Variants in LRRC55 observed in about 807,000 individuals in gnomAD.
LRRC55 encodes the protein leucine rich repeat containing 55, also known as leucine-rich repeat-containing protein 55.
Under a neutral mutation model 20.5 loss-of-function variants are expected in LRRC55, and 11 were observed. The ratio of observed to expected loss-of-function variants is 0.54; its 90% CI spans 0.34 to 0.89. The LOEUF (loss-of-function observed/expected upper bound fraction) is 0.89. Ranked by LOEUF, LRRC55 falls within the 40% of genes least tolerant of loss-of-function variation. The probability of loss-of-function intolerance (pLI) is 0.02; values close to 1 mark genes in which losing one functional copy is unlikely to be tolerated. For synonymous variants in LRRC55, 188 were observed against 166.6 expected, an observed-to-expected ratio of 1.13 and a Z score of -0.99; for missense variants, 358 against 390.9, an observed-to-expected ratio of 0.92 and a Z score of 0.71.
At chr11:57,184,964 C>A (rs985136611) in intron 1 of LRRC55, among the ~76,000 whole-genome samples, 10 of 152,140 alleles carry the variant, frequency 6.6e-5, no homozygotes, top group African/African-American at 2.4e-4. Context: ...CGAGTCAAGC[C>A]CAGAGAGGAT....
Position 57,188,066 on chromosome 11 carries a change from C to G in LRRC55, c.*586C>G, listed in dbSNP as rs1854458732. On this transcript the variant is annotated 3_prime_UTR_variant, in exon 2 of 2. Transcript: ENST00000497933. ...AGCTCTCAGCAATGCCAGCCACTGC[C>G]TACAGGGAGTAAGAACACCTCTATG... is the stretch of plus-strand genomic sequence containing the variant. 1 of 157,978 alleles carries G rather than the reference C, an allele frequency of 6.3e-6. No homozygotes were observed. Among genetic ancestry groups the G allele is most frequent in the African/African-American group, 2.4e-5 (1 of 41,476 alleles). The allele number at this position is 157,978 out of a possible 1,614,324, so 9.8% of individuals were successfully genotyped here. A position where few individuals can be genotyped will look rare whatever the true frequency, so the allele number is the denominator to read the frequency against.
rs1209425076 is a variant in LRRC55, at chr11:57,187,973, T to A, written c.*493T>A. ...AGAAGAGTGAACAGTTCCTGGTCAC[T>A]TACTTGTATAGAGGGGGTGTGGCAC... On this transcript the variant is annotated 3_prime_UTR_variant, in exon 2 of 2. Transcript: ENST00000497933. The A allele has an allele frequency of 5.5e-6, 1 of 183,458 alleles. No individual in the cohort carries two copies. Among genetic ancestry groups the A allele is most frequent in the Non-Finnish European group, 1.1e-5 (1 of 89,864 alleles). 11.4% of individuals were successfully genotyped at this position (183,458 alleles called of 1,614,324 possible).
chr11:57,188,667 C>G lies in LRRC55; in HGVS notation c.*1187C>G, dbSNP rs985548101. On this transcript the variant is annotated 3_prime_UTR_variant, in exon 2 of 2. Transcript: ENST00000497933. ...GGCTCAGAGAGGTTAAAGTCACATG[C>G]CACTATGAGCAAGATAAAGTCTGTG... 2.0e-5 allele frequency: 3 copies of G among 152,152 alleles called. No homozygotes were observed. Among genetic ancestry groups the G allele is most frequent in the African/African-American group, 7.2e-5 (3 of 41,430 alleles). 9.4% of individuals were successfully genotyped at this position (152,152 alleles called of 1,614,324 possible). A position where few individuals can be genotyped will look rare whatever the true frequency, so the allele number is the denominator to read the frequency against.
chr11:57,184,230 C>T (rs779884531), intron 1 of LRRC55, among the ~76,000 whole-genome samples: 2 of 151,652 alleles, frequency 1.3e-5, no homozygotes, highest in South Asian at 2.1e-4. Context: ...ACTTGGCAGG[C>T]GCGCCTTCCC....
In LRRC55 at chr11:57,182,199, G is replaced by T; in HGVS notation, c.177G>T (p.Val59=). Residue 59 remains valine (V), a synonymous_variant, in exon 1 of 2, where the codon GTG becomes GTT. Transcript: ENST00000497933. ...GTAGCAGCCAGCGGCTATTCTCCGT[G>T]CCCCCAGACCTGCCAATGGACACCC... ...VDCSSQRLFS[V]PPDLPMDTRN... 1 of 1,614,136 alleles carries T rather than the reference G, an allele frequency of 6.2e-7. No homozygotes were observed. The highest frequency in any genetic ancestry group is 8.5e-7 in the Non-Finnish European group (1 of 1,180,020).
In LRRC55 at chr11:57,189,042, G is replaced by T. The variant is rs2903267; in HGVS notation, c.*1562G>T. On this transcript the variant is annotated 3_prime_UTR_variant, in exon 2 of 2. Transcript: ENST00000497933. ...CGAGCAAAGCACAATTATCATCATCGTGGTCTTCTTCATCAGTTTCGTCAG... is the reference window on the plus strand; with the variant it reads ...CGAGCAAAGCACAATTATCATCATCTTGGTCTTCTTCATCAGTTTCGTCAG... 2 of 151,912 alleles carry T rather than the reference G, an allele frequency of 1.3e-5. No individual in the cohort carries two copies. Among genetic ancestry groups the T allele is most frequent in the Non-Finnish European group, 2.9e-5 (2 of 67,974 alleles). 9.4% of individuals were successfully genotyped at this position (151,912 alleles called of 1,614,324 possible).
In LRRC55 at chr11:57,187,500, T is replaced by C. The variant is rs754407565; in HGVS notation, c.*20T>C. 3.7e-6 allele frequency: 6 copies of C among 1,603,758 alleles called. No homozygotes were observed. The highest frequency in any genetic ancestry group is 1.7e-5 in the Admixed American group (1 of 59,544). ...ATCTGACATGCCTGCCTCTCATCCC[T>C]CCATGCTGCTGACCGCCACAGCTGC... On this transcript the variant is annotated 3_prime_UTR_variant, in exon 2 of 2. Transcript: ENST00000497933.
At position 57,182,388 on chromosome 11, in the gene LRRC55, C is replaced by T. The variant is rs201482758; in HGVS notation, c.366C>T (p.Tyr122=). The change falls in exon 1 of 2, where the codon TAC becomes TAT. Residue 122 remains tyrosine, a synonymous_variant. Transcript: ENST00000497933. Reference sequence around the variant, plus strand: ...GCTTGGCACACTTGGACCTGAGCTACAACAATTTCAGCCATGTGCCAGCCG... The same window carrying T: ...GCTTGGCACACTTGGACCTGAGCTATAACAATTTCAGCCATGTGCCAGCCG... The part of the protein sequence containing the change: ...AKRLAHLDLS[Y]NNFSHVPADM... 1 of 1,613,784 alleles carries T rather than the reference C, an allele frequency of 6.2e-7. No homozygotes were observed. The highest frequency in any genetic ancestry group is 1.3e-5 in the African/African-American group (1 of 75,054).
At chr11:57,186,592 C>G (rs1282365773) in intron 1 of LRRC55, among the ~76,000 whole-genome samples, 1 of 152,128 alleles carries the variant, frequency 6.6e-6, no homozygotes, top group Non-Finnish European at 1.5e-5. Context: ...GTGCAGAGAT[C>G]GAGGGAAGAA....
chr11:57,182,790 A>G (rs609763), intron 1 of LRRC55, 107 bp downstream of exon 1: 962,871 of 1,188,856 alleles, frequency 0.81, 391,007 homozygotes, highest in African/African-American at 0.85. Flanking sequence ...CACCTACTGC[A>G]TTTTCTAATG....
chr11:57,186,327 T>TA (rs1327425943), intron 1 of LRRC55, among the ~76,000 whole-genome samples: 3 of 152,208 alleles, frequency 2.0e-5, no homozygotes, highest in African/African-American at 7.2e-5. Flanking sequence ...GTCAAGCACT[T>TA]ACTATGGACA....
rs371726600 is a variant in LRRC55 at position 57,182,577 on chromosome 11, A to G, written c.555A>G (p.Leu185=). 6.5e-7 allele frequency: 1 copy of G among 1,540,552 alleles called. No homozygotes were observed. Among genetic ancestry groups the G allele is most frequent in the Non-Finnish European group, 8.7e-7 (1 of 1,143,588 alleles). The change falls in exon 1 of 2, where the codon CTA becomes CTG. Residue 185 remains leucine, a synonymous_variant. Transcript: ENST00000497933. The part of the protein sequence containing the change: ...AFLSLEALEG[L]PGLVTLQIGG... ...TCAGCCTGGAGGCTCTTGAGGGCCTACCGGGGCTGGTGACCCTGCAGATCG... is the reference window on the plus strand; with the variant it reads ...TCAGCCTGGAGGCTCTTGAGGGCCTGCCGGGGCTGGTGACCCTGCAGATCG...
Position 57,189,196 on chromosome 11 carries a change from TG to T in LRRC55, c.*1720del, listed in dbSNP as rs1854475825. 1 of 152,162 alleles carries T rather than the reference TG, an allele frequency of 6.6e-6. No individual in the cohort carries two copies. The highest frequency in any genetic ancestry group is 2.1e-4 in the South Asian group (1 of 4,832). 9.4% of individuals were successfully genotyped at this position (152,162 alleles called of 1,614,324 possible). ...AACATCAGTAATCCTGTTTTACAGA[TG>T]GGGAAAAAAGTCTCAAGGTTGGATA... On this transcript the variant is annotated 3_prime_UTR_variant, in exon 2 of 2. Transcript: ENST00000497933.
Position 57,189,214 on chromosome 11 carries a change from G to A in LRRC55, c.*1734G>A, listed in dbSNP as rs1854476105. ...TTACAGATGGGGAAAAAAGTCTCAA[G>A]GTTGGATATGACTTGCTATGTGGCA... is the stretch of plus-strand genomic sequence containing the variant. On this transcript the variant is annotated 3_prime_UTR_variant, in exon 2 of 2. Coordinates refer to ENST00000497933, the MANE Select transcript of LRRC55 (RefSeq NM_001005210.4). 6.6e-6 allele frequency: 1 copy of A among 152,188 alleles called. No individual in the cohort carries two copies. The highest frequency in any genetic ancestry group is 2.4e-5 in the African/African-American group (1 of 41,440). 9.4% of individuals were successfully genotyped at this position (152,188 alleles called of 1,614,324 possible). A position where few individuals can be genotyped will look rare whatever the true frequency, so the allele number is the denominator to read the frequency against.
chr11:57,187,432 C>T lies in LRRC55; in HGVS notation c.849C>T (p.Ala283=), dbSNP rs775693083. The change falls in exon 2 of 2, where the codon GCC becomes GCT. Residue 283 remains alanine (A), a synonymous_variant. Coordinates refer to ENST00000497933, the MANE Select transcript of LRRC55 (RefSeq NM_001005210.4). ...VATNFLLGIT[A]NCCHRWSKAS... is the part of the protein sequence containing the mutation. ...CCAACTTCCTCCTGGGCATCACTGCCAACTGCTGCCACCGCTGGAGCAAGG... is the reference window on the plus strand; with the variant it reads ...CCAACTTCCTCCTGGGCATCACTGCTAACTGCTGCCACCGCTGGAGCAAGG... 2 of 1,614,212 alleles carry T rather than the reference C, an allele frequency of 1.2e-6. No individual in the cohort carries two copies. The highest frequency in any genetic ancestry group is 2.2e-5 in the South Asian group (2 of 91,080).
Position 57,182,442 on chromosome 11 carries a change from C to A in LRRC55, c.420C>A (p.Val140=). The change falls in exon 1 of 2, where the codon GTC becomes GTA. Residue 140 remains valine, a synonymous_variant. Coordinates refer to ENST00000497933, the MANE Select transcript of LRRC55 (RefSeq NM_001005210.4). ...ADMFQEAHGL[V]HIDLSHNPWL... Reference sequence around the variant, plus strand: ...TGTTCCAGGAGGCCCATGGGCTAGTCCACATCGACCTGAGCCACAACCCCT... The same window carrying A: ...TGTTCCAGGAGGCCCATGGGCTAGTACACATCGACCTGAGCCACAACCCCT... The A allele has an allele frequency of 3.1e-6, 5 of 1,612,198 alleles. No individual in the cohort carries two copies. The highest frequency in any genetic ancestry group is 1.1e-5 in the South Asian group (1 of 91,074).
intron 1 of LRRC55, among the ~76,000 whole-genome samples, chr11:57,186,000 A>G: frequency 6.6e-6 from 1 of 151,158 alleles, no homozygotes; most frequent in East Asian, 1.9e-4. Flanking sequence ...TATATGTTAT[A>G]TATTATATAT....
At position 57,187,521 on chromosome 11, in the gene LRRC55, G is replaced by T. The variant is rs776748195; in HGVS notation, c.*41G>T. On this transcript the variant is annotated 3_prime_UTR_variant, in exon 2 of 2. Coordinates refer to ENST00000497933, the MANE Select transcript of LRRC55 (RefSeq NM_001005210.4). ...TCCCTCCATGCTGCTGACCGCCACA[G>T]CTGCTGGCCACCAGACGCCCTCCCT... The T allele has an allele frequency of 6.4e-7, 1 of 1,571,134 alleles. No individual in the cohort carries two copies.
chr11:57,182,058 GCCACC>G lies in LRRC55; in HGVS notation c.43_47del (p.His15SerfsTer30), dbSNP rs1188610056. ...CTTGGGCCCAGCTTCCCTGGCCCGG[GCCACC>G]CCACCCAGCAATGCTGCTGATCTCC... On this transcript the variant is annotated frameshift_variant, in exon 1 of 2. Coordinates refer to ENST00000497933, the MANE Select transcript of LRRC55 (RefSeq NM_001005210.4). LOFTEE classifies it high-confidence loss of function. The G allele has an allele frequency of 6.2e-7, 1 of 1,614,066 alleles. No homozygotes were observed. The highest frequency in any genetic ancestry group is 8.5e-7 in the Non-Finnish European group (1 of 1,180,042).
Sources: gnomAD v4.1 joint callset for allele counts (sites outside exome capture counted in the v4.1 genomes callset) on GRCh38, gnomAD v4.1.1 for gene constraint, MANE v1.5 for transcripts, NCBI Gene and HGNC (gene_info 2026-07-23, HGNC 2026-07-21) for gene names.